Variants in MRPS18B observed in about 807,000 individuals in gnomAD.
MRPS18B encodes mitochondrial ribosomal protein S18B.
Under a neutral mutation model 28.4 loss-of-function variants are expected in MRPS18B, and 27 were observed. That is an observed-to-expected ratio of 0.95 (90% CI 0.70 to 1.31). MRPS18B has a LOEUF of 1.31. Ranked by LOEUF, MRPS18B falls within the 40% of genes most tolerant of loss-of-function variation. The probability of loss-of-function intolerance (pLI) is 0.00; values close to 1 mark genes in which losing one functional copy is unlikely to be tolerated. For missense variants in MRPS18B, 343 were observed against 335.9 expected (o/e 1.02, Z -0.17); for synonymous variants, 118 against 123.7 (o/e 0.95, Z 0.30).
chr6:30,622,764 G>A (rs1761243767), intron 4 of MRPS18B, 68 bp from the exon 5 acceptor site: 16 of 1,476,462 alleles, frequency 1.1e-5, no homozygotes, highest in South Asian at 2.3e-5. Flanking sequence ...GTGTACTTTC[G>A]ATGTCCAAAG....
intron 5 of MRPS18B, 95 bp downstream of exon 5, chr6:30,622,993 C>G (rs941034627): frequency 8.8e-6 from 11 of 1,249,426 alleles, no homozygotes; most frequent in Non-Finnish European, 1.3e-5. Flanking sequence ...GTGGCTCCTG[C>G]TTATAGCCTA....
rs144600886 is a variant in MRPS18B, at chr6:30,617,906, C to T, written c.41C>T (p.Pro14Leu). ...TTAAACACCGTGCTGAGGCGGCTTCCTATGCTATCTCTCTTCCGAGGTTCT... is the reference window on the plus strand; with the variant it reads ...TTAAACACCGTGCTGAGGCGGCTTCTTATGCTATCTCTCTTCCGAGGTTCT... ...SVLNTVLRRL[P>L]MLSLFRGSHR... Residue 14 changes from proline to leucine, a missense_variant, in exon 1 of 7, where the codon CCT becomes CTT. Coordinates refer to ENST00000259873, the MANE Select transcript of MRPS18B (RefSeq NM_014046.4). 1.4e-5 allele frequency: 23 copies of T among 1,614,088 alleles called. No individual in the cohort carries two copies. Among genetic ancestry groups the T allele is most frequent in the African/African-American group, 2.7e-5 (2 of 74,922 alleles).
rs1381105730 is a variant in MRPS18B at position 30,620,084 on chromosome 6, A to G, written c.354+95A>G. On this transcript the variant is annotated intron_variant, in intron 4 of 6. Transcript: ENST00000259873. ...TGTAATCCCAGCACTTTGGGAGGCC[A>G]AGGCAGGTGGATCATGAGGTCAGGA... 68 of 1,167,422 alleles carry G rather than the reference A, an allele frequency of 5.8e-5. No individual in the cohort carries two copies. In the East Asian group the frequency reaches 9.1e-4, roughly 16 times the overall value. The allele number at this position is 1,167,422 out of a possible 1,614,324, so 72.3% of individuals were successfully genotyped here.
intron 5 of MRPS18B, 39 bp downstream of exon 5, chr6:30,622,937 T>C (rs752895187): frequency 6.3e-7 from 1 of 1,593,398 alleles, no homozygotes; most frequent in South Asian, 1.1e-5. Flanking sequence ...GAGCTTTTCC[T>C]TGTGGCATGC....
chr6:30,620,055 C>T (rs1035044926), intron 4 of MRPS18B, 66 bp downstream of exon 4: 7 of 1,492,030 alleles, frequency 4.7e-6, no homozygotes, highest in Non-Finnish European at 5.6e-6. Context: ...CGGTGGCTCA[C>T]GCCTGTAATC....
intron 4 of MRPS18B, among the ~76,000 whole-genome samples, chr6:30,622,361 G>A (rs1324332921): frequency 6.6e-6 from 1 of 151,736 alleles, no homozygotes; most frequent in African/African-American, 2.4e-5. Flanking sequence ...AGGAGTTCAA[G>A]GCCAGCTTGG....
At chr6:30,619,391 T>C (rs1760986492) in intron 1 of MRPS18B, 102 bp from the exon 2 acceptor site, 1 of 862,544 alleles carries the variant, frequency 1.2e-6, no homozygotes, top group Non-Finnish European at 1.9e-6. Context: ...TATATTCCAT[T>C]AATGCAGTAT....
chr6:30,626,005 G>GGT lies in MRPS18B; in HGVS notation c.*209_*210dup. On this transcript the variant is annotated 3_prime_UTR_variant, in exon 7 of 7. Coordinates refer to ENST00000259873, the MANE Select transcript of MRPS18B (RefSeq NM_014046.4). ...TAGTCTCAACTATTGGGGAGGCTAA[G>GGT]GTAGGATCACTTGATCCCAGGAGGC... 1.8e-6 allele frequency: 1 copy of GGT among 540,624 alleles called. No individual in the cohort carries two copies. The highest frequency in any genetic ancestry group is 3.1e-5 in the East Asian group (1 of 32,772). The allele number at this position is 540,624 out of a possible 1,614,324, so 33.5% of individuals were successfully genotyped here.
At chr6:30,621,769 C>T (rs553197004) in intron 4 of MRPS18B, among the ~76,000 whole-genome samples, 65 of 152,222 alleles carry the variant, frequency 4.3e-4, no homozygotes, top group East Asian at 1.9e-3. Context: ...CAAGGTGAAA[C>T]GCCGTCTCTA....
In MRPS18B at chr6:30,620,161, C is replaced by T. The variant is rs1275599388; in HGVS notation, c.354+172C>T. On this transcript the variant is annotated intron_variant, in intron 4 of 6. Transcript: ENST00000259873. Reference sequence around the variant, plus strand: ...TGAAACCCCGTCTCTACTAAAAATACAAAAAATTAGCCGGTTGTGGTGGCG... The same window carrying T: ...TGAAACCCCGTCTCTACTAAAAATATAAAAAATTAGCCGGTTGTGGTGGCG... 1.1e-5 allele frequency: 7 copies of T among 627,794 alleles called. No individual in the cohort carries two copies. In the Admixed American group the frequency reaches 2.0e-4, roughly 18 times the overall value. The allele number at this position is 627,794 out of a possible 1,614,324, so 38.9% of individuals were successfully genotyped here.
intron 5 of MRPS18B, among the ~76,000 whole-genome samples, 174 bp from the exon 6 acceptor site, chr6:30,624,709 G>A (rs1761375031): frequency 6.6e-6 from 1 of 152,116 alleles, no homozygotes; most frequent in African/African-American, 2.4e-5. Flanking sequence ...CAAAAGATGG[G>A]GGAGATTCTT....
At chr6:30,620,380 C>A (rs928415531) in intron 4 of MRPS18B, among the ~76,000 whole-genome samples, 3 of 151,996 alleles carry the variant, frequency 2.0e-5, no homozygotes, top group Non-Finnish European at 4.4e-5. Context: ...AGCCCCTTTG[C>A]AGTGCCAAAG....
intron 4 of MRPS18B, 141 bp from the exon 5 acceptor site, chr6:30,622,691 A>G (rs1761238142): frequency 1.4e-6 from 1 of 712,596 alleles, no homozygotes; most frequent in African/African-American, 1.7e-5. Flanking sequence ...TGGGACATGA[A>G]GGAGGATGGC....
chr6:30,626,066 T>G lies in MRPS18B; in HGVS notation c.*269T>G. On this transcript the variant is annotated 3_prime_UTR_variant, in exon 7 of 7. Transcript: ENST00000259873. ...GTGAGTTGCAGTCACACCCCTGCAC[T>G]CCAGCCTGGGTGACAGCTAGACCCT... 2.6e-6 allele frequency: 1 copy of G among 385,114 alleles called. No homozygotes were observed. 23.9% of individuals were successfully genotyped at this position (385,114 alleles called of 1,614,324 possible).
chr6:30,619,220 A>G (rs567474955), intron 1 of MRPS18B, among the ~76,000 whole-genome samples: 7 of 152,296 alleles, frequency 4.6e-5, no homozygotes, highest in African/African-American at 1.7e-4. Flanking sequence ...CCGGCCTTGT[A>G]CTAGACTTTT....
Position 30,625,553 on chromosome 6 carries a change from G to C in MRPS18B, c.533G>C (p.Ser178Thr). 2 of 1,598,318 alleles carry C rather than the reference G, an allele frequency of 1.3e-6. No individual in the cohort carries two copies. The highest frequency in any genetic ancestry group is 1.7e-6 in the Non-Finnish European group (2 of 1,168,074). The change falls in exon 7 of 7, where the codon AGT becomes ACT. Residue 178 changes from serine to threonine, a missense_variant. Physicochemically the swap from Ser to Thr is moderately conservative, Grantham distance 58 (BLOSUM62 1). Coordinates refer to ENST00000259873, the MANE Select transcript of MRPS18B (RefSeq NM_014046.4). ...GTTGAACCACGGGACCTTGACTTCAGTACCTCTCATGGGGCTGTGAGTGCT... is the reference window on the plus strand; with the variant it reads ...GTTGAACCACGGGACCTTGACTTCACTACCTCTCATGGGGCTGTGAGTGCT... Reference protein sequence around the residue: ...PQVEPRDLDFSTSHGAVSATP... With the variant: ...PQVEPRDLDFTTSHGAVSATP...
chr6:30,625,890 C>G lies in MRPS18B; in HGVS notation c.*93C>G. The stretch of plus-strand genomic sequence containing the variant: ...CCAAGGTGGGCTGATCACTTGATCC[C>G]AGGAGTTTGAGACCAGCCTGGGCAC... On this transcript the variant is annotated 3_prime_UTR_variant, in exon 7 of 7. Coordinates refer to ENST00000259873, the MANE Select transcript of MRPS18B (RefSeq NM_014046.4). 7.2e-7 allele frequency: 1 copy of G among 1,379,576 alleles called. No homozygotes were observed. Among genetic ancestry groups the G allele is most frequent in the Non-Finnish European group, 9.9e-7 (1 of 1,011,108 alleles). The allele number at this position is 1,379,576 out of a possible 1,614,324, so 85.5% of individuals were successfully genotyped here.
At chr6:30,622,783 G>T in intron 4 of MRPS18B, 49 bp from the exon 5 acceptor site, 1 of 1,568,632 alleles carries the variant, frequency 6.4e-7, no homozygotes, top group Non-Finnish European at 8.8e-7. Context: ...AGATCCTGCT[G>T]CTCTCCCTGC....
intron 1 of MRPS18B, among the ~76,000 whole-genome samples, chr6:30,619,157 C>G (rs1760968100): frequency 6.6e-6 from 1 of 152,164 alleles, no homozygotes; most frequent in South Asian, 2.1e-4. Context: ...ACCTCATGAT[C>G]CGCCTGCCTG....
Sources: gnomAD v4.1 joint callset for allele counts (sites outside exome capture counted in the v4.1 genomes callset) on GRCh38, gnomAD v4.1.1 for gene constraint, MANE v1.5 for transcripts, NCBI Gene and HGNC (gene_info 2026-07-23, HGNC 2026-07-21) for gene names.